Variants in UTRN observed in about 807,000 individuals in gnomAD.
The protein encoded by UTRN is dystrophin-related protein 1.
In UTRN, 283 loss-of-function variants were observed where a neutral mutation model predicts 463.9. The observed-to-expected ratio is 0.61, with a 90% CI of 0.55 to 0.67. The LOEUF is 0.67. UTRN is among the 30% of genes least tolerant of loss of function. The pLI is 0.00. For missense variants in UTRN, 3,922 were observed against 4,084.3 expected (o/e 0.96, Z 1.08); for synonymous variants, 1,442 against 1,431.5 (o/e 1.01, Z -0.17).
chr6:144,451,586 C>T, intron 18 of UTRN, 93 bp downstream of exon 18: 1 of 1,407,772 alleles, frequency 7.1e-7, no homozygotes, highest in Non-Finnish European at 9.4e-7. Flanking sequence ...AATTCAAAAG[C>T]CTCCTGTAAA....
chr6:144,749,761 G>C (rs1238137377), intron 55 of UTRN, among the ~76,000 whole-genome samples: 1 of 151,978 alleles, frequency 6.6e-6, no homozygotes, highest in Non-Finnish European at 1.5e-5. Context: ...TTTAACCTGT[G>C]GCTTATATAG....
At chr6:144,800,931 G>A (rs530358197) in intron 64 of UTRN, among the ~76,000 whole-genome samples, 5 of 152,294 alleles carry the variant, frequency 3.3e-5, no homozygotes, top group African/African-American at 1.2e-4. Context: ...TAGCAAGATG[G>A]TAGAGGTGTT....
At chr6:144,827,488 G>A (rs1314783725) in intron 67 of UTRN, 102 bp downstream of exon 67, 15 of 1,595,864 alleles carry the variant, frequency 9.4e-6, no homozygotes, top group Middle Eastern at 1.7e-4. Context: ...TCTGTGTTCC[G>A]GGTAACAATC....
intron 50 of UTRN, among the ~76,000 whole-genome samples, chr6:144,563,818 C>CT (rs889676952): frequency 2.6e-5 from 4 of 152,032 alleles, no homozygotes; most frequent in Non-Finnish European, 4.4e-5. Context: ...CATTTTATTA[C>CT]TTTTTTTAAA....
chr6:144,634,273 G>A (rs1437745892), intron 51 of UTRN, among the ~76,000 whole-genome samples: 1 of 152,182 alleles, frequency 6.6e-6, no homozygotes, highest in African/African-American at 2.4e-5. Flanking sequence ...CTTGAATTGA[G>A]GAGCTTGGGT....
intron 52 of UTRN, among the ~76,000 whole-genome samples, chr6:144,694,044 A>C (rs995501251): frequency 3.3e-5 from 5 of 152,126 alleles, no homozygotes; most frequent in African/African-American, 1.2e-4. Flanking sequence ...GATGGTTCTT[A>C]GTATTTAGAG....
At chr6:144,540,266 T>C (rs1797878673) in intron 45 of UTRN, among the ~76,000 whole-genome samples, 1 of 152,080 alleles carries the variant, frequency 6.6e-6, no homozygotes, top group African/African-American at 2.4e-5. Context: ...AAGTCATAGA[T>C]ATCTTTTTTG....
At chr6:144,790,473 G>A (rs919530917) in intron 62 of UTRN, among the ~76,000 whole-genome samples, 2 of 152,166 alleles carry the variant, frequency 1.3e-5, no homozygotes, top group African/African-American at 4.8e-5. Context: ...TGAATTTCAG[G>A]TCTAGACCAT....
chr6:144,505,607 G>A (rs1170522516), intron 34 of UTRN, among the ~76,000 whole-genome samples: 4 of 152,182 alleles, frequency 2.6e-5, no homozygotes, highest in East Asian at 1.9e-4. Context: ...ATTGCACTGT[G>A]GTCTGAGAGA....
intron 12 of UTRN, among the ~76,000 whole-genome samples, chr6:144,439,715 C>G (rs1230784585): frequency 2.0e-5 from 3 of 152,106 alleles, no homozygotes; most frequent in Middle Eastern, 3.2e-3. Context: ...GTTGGCCAGG[C>G]TGGTCTTGAA....
rs1026071795 is a variant in UTRN at position 144,342,342 on chromosome 6, T to C, written c.79+50435T>C. Among the ~76,000 whole-genome samples the C allele has an allele frequency of 4.7e-4, 65 of 138,318 alleles. 1 individual carries two copies. In the East Asian group the frequency reaches 5.5e-3, roughly 12 times the overall value. 90.7% of individuals were successfully genotyped at this position (138,318 alleles called of 152,430 possible). On this transcript the variant is annotated intron_variant, in intron 2 of 74. Transcript: ENST00000367545. ...GCAATTCTACTTCTGGGTACACACA[T>C]ACACACACACACACACACACACACA...
At chr6:144,544,835 A>G (rs1034959632) in intron 46 of UTRN, among the ~76,000 whole-genome samples, 45 of 152,118 alleles carry the variant, frequency 3.0e-4, no homozygotes, top group Admixed American at 2.6e-3. Flanking sequence ...CAGCTCCTCC[A>G]CTTATGCATA....
chr6:144,388,579 C>G (rs760905164), intron 2 of UTRN, among the ~76,000 whole-genome samples: 1 of 151,944 alleles, frequency 6.6e-6, no homozygotes, highest in Non-Finnish European at 1.5e-5. Context: ...CTCACTGCAG[C>G]CTCCACCTCC....
chr6:144,461,883 T>C (rs1789452520), intron 22 of UTRN, among the ~76,000 whole-genome samples: 1 of 152,062 alleles, frequency 6.6e-6, no homozygotes, highest in Non-Finnish European at 1.5e-5. Flanking sequence ...TTTTCATGAG[T>C]TTTTCATGTT....
intron 53 of UTRN, among the ~76,000 whole-genome samples, chr6:144,726,271 C>T (rs1188433322): frequency 6.6e-6 from 1 of 152,186 alleles, no homozygotes; most frequent in Non-Finnish European, 1.5e-5. Context: ...CTGACCTCCG[C>T]CCACACCTTC....
intron 2 of UTRN, chr6:144,398,506 C>T: frequency 3.2e-6 from 1 of 314,158 alleles, no homozygotes; most frequent in Non-Finnish European, 6.2e-6. Context: ...AGTGATATTA[C>T]TTCAATTGTT....
chr6:144,506,082 A>AT (rs146289347), intron 34 of UTRN, among the ~76,000 whole-genome samples: 5,037 of 132,998 alleles, frequency 0.038, 121 homozygotes, highest in South Asian at 0.075. Context: ...CAACCCCCGC[A>AT]TTTTTTTTTT....
chr6:144,510,831 G>T, intron 34 of UTRN, 113 bp from the exon 35 acceptor site: 4 of 825,674 alleles, frequency 4.8e-6, no homozygotes, highest in Non-Finnish European at 6.7e-6. Context: ...ATTATATAGG[G>T]AGTCATGGAC....
chr6:144,447,175 T>A, intron 14 of UTRN, 36 bp from the exon 15 acceptor site: 1 of 1,573,392 alleles, frequency 6.4e-7, no homozygotes, highest in Non-Finnish European at 8.7e-7. Context: ...CCAAATGATT[T>A]TGCAGATAAA....
Sources: gnomAD v4.1 joint callset for allele counts (sites outside exome capture counted in the v4.1 genomes callset) on GRCh38, gnomAD v4.1.1 for gene constraint, MANE v1.5 for transcripts, NCBI Gene and HGNC (gene_info 2026-07-23, HGNC 2026-07-21) for gene names.